The following CDH13 variants were observed in gnomAD, a reference collection of about 807,000 sequenced individuals.
The protein encoded by CDH13 is cadherin 13.
CDH13 carries 24 observed loss-of-function variants against 63.8 expected under a neutral mutation model. The ratio of observed to expected loss-of-function variants is 0.38; its 90% CI spans 0.27 to 0.53. The LOEUF (loss-of-function observed/expected upper bound fraction) is 0.53, where lower values mean the gene tolerates loss of function less well. Ranked by LOEUF, CDH13 falls within the 20% of genes least tolerant of loss-of-function variation. CDH13 has a pLI of 0.85. For synonymous variants in CDH13, 503 were observed against 355.3 expected (o/e 1.42, Z -4.67); for missense variants, 1,049 against 903.1 (o/e 1.16, Z -2.07).
At chr16:82,674,813 G>A (rs796632197) in intron 1 of CDH13, among the ~76,000 whole-genome samples, 5 of 152,276 alleles carry the variant, frequency 3.3e-5, no homozygotes, top group African/African-American at 7.2e-5. Flanking sequence ...TTGGCGGGAC[G>A]GGGGCTGCCT....
At chr16:82,749,013 A>G (rs945225644) in intron 1 of CDH13, among the ~76,000 whole-genome samples, 2 of 152,286 alleles carry the variant, frequency 1.3e-5, no homozygotes, top group Middle Eastern at 6.8e-3. Flanking sequence ...ATTAATTTGA[A>G]TGTTGCAGAG....
chr16:83,230,751 C>A (rs2039979347), intron 5 of CDH13, among the ~76,000 whole-genome samples: 1 of 152,208 alleles, frequency 6.6e-6, no homozygotes, highest in South Asian at 2.1e-4. Context: ...CATGCCATTG[C>A]TCTCCAGTCT....
chr16:83,267,159 C>G (rs971497328), intron 5 of CDH13, among the ~76,000 whole-genome samples: 1 of 152,180 alleles, frequency 6.6e-6, no homozygotes, highest in African/African-American at 2.4e-5. Flanking sequence ...CCTTCAGAAG[C>G]AAGTACCAGA....
intron 2 of CDH13, among the ~76,000 whole-genome samples, chr16:82,950,155 C>A (rs1477346082): frequency 1.3e-5 from 2 of 152,080 alleles, no homozygotes; most frequent in Non-Finnish European, 2.9e-5. Flanking sequence ...GTAGGTAGGG[C>A]TGGTTTCTTC....
chr16:83,508,814 G>T (rs968361654), intron 7 of CDH13, among the ~76,000 whole-genome samples: 8 of 152,184 alleles, frequency 5.3e-5, no homozygotes, highest in African/African-American at 1.9e-4. Context: ...GAGCTAGCTG[G>T]ATCCATTATT....
At chr16:83,024,108 G>A (rs1220347559) in intron 2 of CDH13, among the ~76,000 whole-genome samples, 6 of 152,096 alleles carry the variant, frequency 3.9e-5, no homozygotes, top group Non-Finnish European at 8.8e-5. Flanking sequence ...GTGGATGCAG[G>A]CATGAATTTG....
chr16:83,171,506 A>G (rs1457326200), intron 4 of CDH13: 1 of 1,531,070 alleles, frequency 6.5e-7, no homozygotes, highest in African/African-American at 1.4e-5. Context: ...GCCCATAAAT[A>G]ATCTTTGTTT....
At chr16:83,653,427 T>C (rs529901517) in intron 8 of CDH13, among the ~76,000 whole-genome samples, 2 of 124,546 alleles carry the variant, frequency 1.6e-5, no homozygotes, top group South Asian at 3.0e-4. Flanking sequence ...TTGTTAAGGT[T>C]TGAAAAATCA....
chr16:83,495,580 T>C (rs2074118142), intron 7 of CDH13, among the ~76,000 whole-genome samples: 1 of 152,204 alleles, frequency 6.6e-6, no homozygotes, highest in African/African-American at 2.4e-5. Flanking sequence ...AATATAGTTT[T>C]TTTCCCCCAT....
chr16:83,520,981 A>G (rs1304785822), intron 7 of CDH13, among the ~76,000 whole-genome samples: 3 of 152,038 alleles, frequency 2.0e-5, no homozygotes, highest in Non-Finnish European at 4.4e-5. Context: ...ATCGCCTCCC[A>G]AACTTCAATT....
chr16:83,550,531 G>T (rs1025545819), intron 7 of CDH13, among the ~76,000 whole-genome samples: 1 of 152,194 alleles, frequency 6.6e-6, no homozygotes, highest in Non-Finnish European at 1.5e-5. Flanking sequence ...GGCAAATTCC[G>T]CTCATAATGG....
rs986144066 is a variant in CDH13 at position 82,860,184 on chromosome 16, T to C, written c.157+1711T>C. 5.3e-5 allele frequency among the ~76,000 whole-genome samples: 8 copies of C among 152,256 alleles called. No homozygotes were observed. In the East Asian group the frequency reaches 1.5e-3, roughly 29 times the overall value. ...GCATCTATGTTAACATGCTTGGAAATGCGAAGCGACCCTGAGTATGGAAAT... is the reference window on the plus strand; with the variant it reads ...GCATCTATGTTAACATGCTTGGAAACGCGAAGCGACCCTGAGTATGGAAAT... On this transcript the variant is annotated intron_variant, in intron 2 of 13. Transcript: ENST00000567109.
At chr16:83,131,226 A>ACC in intron 4 of CDH13, among the ~76,000 whole-genome samples, 1 of 118,610 alleles carries the variant, frequency 8.4e-6, no homozygotes, top group Non-Finnish European at 1.6e-5. Flanking sequence ...ACAGGAGACA[A>ACC]CCCGAGAGAT....
intron 5 of CDH13, among the ~76,000 whole-genome samples, chr16:83,336,011 A>G (rs982635094): frequency 6.6e-6 from 1 of 151,892 alleles, no homozygotes; most frequent in African/African-American, 2.4e-5. Context: ...CTATTACTAG[A>G]TATTTGGGGC....
chr16:83,004,734 C>T (rs915587304), intron 2 of CDH13, among the ~76,000 whole-genome samples: 1 of 152,146 alleles, frequency 6.6e-6, no homozygotes, highest in Admixed American at 6.5e-5. Flanking sequence ...CTCAAGTGAT[C>T]CGCCCACCTC....
rs557393100 is a variant in CDH13 at position 82,870,154 on chromosome 16, G to A, written c.157+11681G>A. Among the ~76,000 whole-genome samples the A allele has an allele frequency of 9.2e-5, 14 of 152,182 alleles. No homozygotes were observed. The South Asian group carries it at 1.5e-3, about 16-fold the overall frequency. ...AAAAAAAATCTCATTAAAAATGGGC[G>A]AAAGATATGAATTGACGTTTCTCAA... On this transcript the variant is annotated intron_variant, in intron 2 of 13. Coordinates refer to ENST00000567109, the MANE Select transcript of CDH13 (RefSeq NM_001257.5).
chr16:83,333,923 C>T (rs2090530912), intron 5 of CDH13, among the ~76,000 whole-genome samples: 1 of 152,186 alleles, frequency 6.6e-6, no homozygotes, highest in East Asian at 1.9e-4. Flanking sequence ...CACACAGTGA[C>T]TCAAAACAAC....
chr16:83,468,801 T>C (rs529141237), intron 6 of CDH13, among the ~76,000 whole-genome samples: 21 of 152,348 alleles, frequency 1.4e-4, no homozygotes, highest in African/African-American at 5.1e-4. Flanking sequence ...GTGTGCAGAA[T>C]GTGCAGGTTT....
At chr16:82,785,312 C>G (rs544591493) in intron 1 of CDH13, among the ~76,000 whole-genome samples, 1 of 152,186 alleles carries the variant, frequency 6.6e-6, no homozygotes, top group African/African-American at 2.4e-5. Flanking sequence ...AGAGAGACAA[C>G]TAAGCCATAA....
Sources: allele counts gnomAD v4.1 joint callset (sites outside exome capture counted in the v4.1 genomes callset), GRCh38; gene constraint gnomAD v4.1.1; transcripts MANE v1.5; gene names NCBI Gene and HGNC (gene_info 2026-07-23, HGNC 2026-07-21).